The following FILIP1 variants were observed in gnomAD, a reference collection of about 807,000 sequenced individuals.
FILIP1 encodes the protein filamin-A-interacting protein 1.
A neutral mutation model predicts 102.1 loss-of-function variants in FILIP1; 61 were observed. The observed-to-expected ratio is 0.60, with a 90% CI of 0.49 to 0.74. FILIP1 has a LOEUF of 0.74. Ranked by LOEUF, FILIP1 falls within the 30% of genes least tolerant of loss-of-function variation. The pLI, the probability that FILIP1 is intolerant of heterozygous loss-of-function variation, is 0.00. For synonymous variants in FILIP1, 491 were observed against 526.9 expected (o/e 0.93, Z 0.93); for missense variants, 1,314 against 1,441.2 (o/e 0.91, Z 1.43).
At chr6:75,305,902 AC>A (rs972108963), downstream of FILIP1, among the ~76,000 whole-genome samples, 8 of 151,660 alleles carry the variant, frequency 5.3e-5, 1 homozygote, top group Admixed American at 2.0e-4. Flanking sequence ...CCATAGTGAG[AC>A]CCCTTTTATT....
At chr6:75,481,640 C>A (rs1420093128) in intron 1 of FILIP1, among the ~76,000 whole-genome samples, 1 of 152,180 alleles carries the variant, frequency 6.6e-6, no homozygotes, top group Non-Finnish European at 1.5e-5. Context: ...TAGCTTGAAC[C>A]ACTCTAACAT....
At chr6:75,457,846 G>T (rs1302698595) in intron 1 of FILIP1, among the ~76,000 whole-genome samples, 1 of 152,086 alleles carries the variant, frequency 6.6e-6, no homozygotes, top group African/African-American at 2.4e-5. Flanking sequence ...TGGAAGTCTG[G>T]CCTATCCCTT....
At chr6:75,364,979 T>C (rs966196668) in intron 2 of FILIP1, among the ~76,000 whole-genome samples, 4 of 152,198 alleles carry the variant, frequency 2.6e-5, no homozygotes, top group Non-Finnish European at 4.4e-5. Flanking sequence ...ATTTAGTGAC[T>C]TATGTAATGA....
chr6:75,429,193 T>C (rs1344035504), intron 1 of FILIP1, among the ~76,000 whole-genome samples: 1 of 152,202 alleles, frequency 6.6e-6, no homozygotes, highest in Non-Finnish European at 1.5e-5. Context: ...AGGGGTTTCA[T>C]ACACAACTAC....
At chr6:75,348,292 A>C (rs1774664202) in intron 4 of FILIP1, among the ~76,000 whole-genome samples, 1 of 152,240 alleles carries the variant, frequency 6.6e-6, no homozygotes, top group Admixed American at 6.5e-5. Flanking sequence ...AGTCAAGTTG[A>C]CTTGAAATAT....
intron 1 of FILIP1, 122 bp from the exon 2 acceptor site, chr6:75,415,100 C>T (rs755728269): frequency 4.8e-5 from 45 of 932,914 alleles, no homozygotes; most frequent in Non-Finnish European, 6.4e-5. Context: ...ATCAAATTAA[C>T]ATGTCATTAA....
chr6:75,292,034 G>T (rs1324602932), exon 7 of FILIP1: 1 of 152,088 alleles, frequency 6.6e-6, no homozygotes, highest in African/African-American at 2.4e-5. Flanking sequence ...GACCTGTGAG[G>T]AACTGAAAGC....
chr6:75,307,300 A>C (rs538069717), downstream of FILIP1, among the ~76,000 whole-genome samples: 1 of 152,336 alleles, frequency 6.6e-6, no homozygotes, highest in East Asian at 1.9e-4. Flanking sequence ...AACATGTTGA[A>C]TCATGAGATA....
chr6:75,341,988 A>T (rs1353974747), intron 4 of FILIP1, among the ~76,000 whole-genome samples: 34 of 152,330 alleles, frequency 2.2e-4, no homozygotes, highest in Admixed American at 2.0e-3. Context: ...CTATATATTC[A>T]TTATCTCATG....
At chr6:75,403,470 G>A (rs1430331500) in intron 2 of FILIP1, among the ~76,000 whole-genome samples, 1 of 141,612 alleles carries the variant, frequency 7.1e-6, no homozygotes, top group Admixed American at 7.6e-5. Context: ...AGCTGTGCAT[G>A]TCACTGTGCT....
chr6:75,482,773 C>T (rs1779680067), intron 1 of FILIP1, among the ~76,000 whole-genome samples: 1 of 152,098 alleles, frequency 6.6e-6, no homozygotes, highest in South Asian at 2.1e-4. Context: ...ACTGTTACTG[C>T]CATGTTTATC....
chr6:75,478,657 C>G (rs1252612472), intron 1 of FILIP1, among the ~76,000 whole-genome samples: 1 of 152,152 alleles, frequency 6.6e-6, no homozygotes, highest in Non-Finnish European at 1.5e-5. Flanking sequence ...ATATGAGCCA[C>G]AGCACTGTGG....
At chr6:75,441,650 G>A (rs1442144606) in intron 1 of FILIP1, among the ~76,000 whole-genome samples, 4 of 145,290 alleles carry the variant, frequency 2.8e-5, no homozygotes, top group Admixed American at 1.3e-4. Flanking sequence ...GCGGCTGGCC[G>A]GGCGGGGGGC....
chr6:75,343,918 C>T (rs565081856), intron 4 of FILIP1, among the ~76,000 whole-genome samples: 2 of 152,274 alleles, frequency 1.3e-5, no homozygotes, highest in South Asian at 4.1e-4. Context: ...GATGGGAGTT[C>T]TTAGAAAGAA....
chr6:75,299,606 T>A (rs1321293861), intron 6 of FILIP1, among the ~76,000 whole-genome samples: 1 of 152,180 alleles, frequency 6.6e-6, no homozygotes, highest in African/African-American at 2.4e-5. Flanking sequence ...TATCAAAGTG[T>A]ACTTAGAGAC....
rs145968013 is a variant in FILIP1 at position 75,394,182 on chromosome 6, C to G, written c.276+20515G>C. Among the ~76,000 whole-genome samples, 6 of 152,250 alleles carry G rather than the reference C, an allele frequency of 3.9e-5. No homozygotes were observed. The East Asian group carries it at 1.2e-3, about 29-fold the overall frequency. The stretch of plus-strand genomic sequence containing the variant: ...CTGTGTAACCAAATCCCTATTAACT[C>G]CTTTCTGTTTGAAATATCTAGTGCA... On this transcript the variant is annotated intron_variant, in intron 2 of 5. Coordinates refer to ENST00000237172, the MANE Select transcript of FILIP1 (RefSeq NM_015687.5).
chr6:75,422,057 T>C (rs1278319082), intron 1 of FILIP1, among the ~76,000 whole-genome samples: 3 of 152,160 alleles, frequency 2.0e-5, no homozygotes, highest in Non-Finnish European at 4.4e-5. Flanking sequence ...TTACTTTCAA[T>C]TATACAAAAG....
Position 75,453,107 on chromosome 6 carries a change from C to T in FILIP1, c.-6-38129G>A, listed in dbSNP as rs189812430. On this transcript the variant is annotated intron_variant, in intron 1 of 5. Transcript: ENST00000237172. The stretch of plus-strand genomic sequence containing the variant: ...CCAAGGTTAGTACATCTTGGATTAC[C>T]CTAAGCTGGTCATCTTGGATTACCC... 1.2e-3 allele frequency among the ~76,000 whole-genome samples: 183 copies of T among 152,300 alleles called. 3 individuals are homozygous for T. In the South Asian group the frequency reaches 0.033, roughly 27 times the overall value.
At chr6:75,484,266 A>C (rs909418513) in intron 1 of FILIP1, among the ~76,000 whole-genome samples, 5 of 152,102 alleles carry the variant, frequency 3.3e-5, no homozygotes, top group Admixed American at 2.0e-4. Context: ...CCCACTACCA[A>C]GGGTTGAATA....
Sources: gnomAD v4.1 joint callset for allele counts (sites outside exome capture counted in the v4.1 genomes callset) on GRCh38, gnomAD v4.1.1 for gene constraint, MANE v1.5 for transcripts, NCBI Gene and HGNC (gene_info 2026-07-23, HGNC 2026-07-21) for gene names.